VWA2: variants seen among roughly 807,000 people sequenced by gnomAD.
VWA2 encodes von Willebrand factor A domain containing 2, also known as von Willebrand factor A domain-containing protein 2.
VWA2 carries 73 observed loss-of-function variants against 70.4 expected under a neutral mutation model. The observed-to-expected ratio is 1.04, with a 90% CI of 0.86 to 1.26. VWA2 has a LOEUF of 1.26. VWA2 is among the 50% of genes most tolerant of loss of function. The probability of loss-of-function intolerance (pLI) is 0.00; values close to 1 mark genes in which losing one functional copy is unlikely to be tolerated. For synonymous variants in VWA2, 407 were observed against 423.3 expected (o/e 0.96, Z 0.47); for missense variants, 1,011 against 998.5 (o/e 1.01, Z -0.17).
chr10:114,274,713 T>C (rs188134851), intron 6 of VWA2, among the ~76,000 whole-genome samples: 254 of 152,224 alleles, frequency 1.7e-3, no homozygotes, highest in Non-Finnish European at 2.7e-3. Flanking sequence ...CAGGCTAGTC[T>C]TGAACTCCTG....
At position 114,286,517 on chromosome 10, in the gene VWA2, G is replaced by T; in HGVS notation, c.1570+6G>T. 6.4e-7 allele frequency: 1 copy of T among 1,555,312 alleles called. No homozygotes were observed. ...GTGCAGCCGGCAGCGGCCAGGTAAG[G>T]TCCCAGTGCCTGACCCAGGACCGCT... is the stretch of plus-strand genomic sequence containing the variant. On this transcript the variant is annotated splice_donor_region_variant and intron_variant, in intron 11 of 13. Coordinates refer to ENST00000392982, the MANE Select transcript of VWA2 (RefSeq NM_001272046.2).
rs112771171 is a variant in VWA2, at chr10:114,290,276, C to A, written c.2159C>A (p.Pro720Gln). 1.9e-6 allele frequency: 3 copies of A among 1,550,428 alleles called. No individual in the cohort carries two copies. In the African/African-American group the frequency reaches 4.1e-5, roughly 21 times the overall value. The change falls in exon 13 of 14, where the codon CCG becomes CAG. Residue 720 changes from proline to glutamine, a missense_variant. Transcript: ENST00000392982. ...KQPVNLCKPS[P>Q]CMNEGSCVLQ... ...CCAGTCAACCTCTGCAAACCCAGCC[C>A]GTGCATGAATGAGGGCAGCTGCGTC...
At chr10:114,287,334 C>A (rs781371373) in intron 11 of VWA2, among the ~76,000 whole-genome samples, 1 of 152,112 alleles carries the variant, frequency 6.6e-6, no homozygotes, top group Non-Finnish European at 1.5e-5. Context: ...GTGCACACCA[C>A]CATGCCCAGC....
chr10:114,262,310 TTATA>T (rs984580125), intron 5 of VWA2, among the ~76,000 whole-genome samples: 7 of 149,676 alleles, frequency 4.7e-5, no homozygotes, highest in African/African-American at 1.7e-4. Flanking sequence ...ATTTTATATA[TTATA>T]TATACATATA....
At chr10:114,289,992 CA>C (rs35165936) in intron 12 of VWA2, 105,631 of 212,148 alleles carry the variant, frequency 0.5, 22,353 homozygotes, top group East Asian at 0.56. Context: ...GATTCTGCCT[CA>C]AAAAAAAAAA....
intron 7 of VWA2, among the ~76,000 whole-genome samples, 180 bp downstream of exon 7, chr10:114,278,227 C>G (rs1250942791): frequency 1.3e-5 from 2 of 152,158 alleles, no homozygotes; most frequent in African/African-American, 4.8e-5. Flanking sequence ...GTGGGTTTCC[C>G]AGCTGGGAGC....
chr10:114,289,169 C>A lies in VWA2; in HGVS notation c.1802C>A (p.Ala601Asp). 6.2e-7 allele frequency: 1 copy of A among 1,613,676 alleles called. No individual in the cohort carries two copies. Among genetic ancestry groups the A allele is most frequent in the Non-Finnish European group, 8.5e-7 (1 of 1,179,864 alleles). The change falls in exon 12 of 14, where the codon GCC (alanine) becomes GAC (aspartate). Residue 601 changes from alanine to aspartate, a missense_variant. Coordinates refer to ENST00000392982, the MANE Select transcript of VWA2 (RefSeq NM_001272046.2). ...RAAMLRAISQAPYLGGVGSAG... is the reference protein window; with the variant it reads ...RAAMLRAISQDPYLGGVGSAG... The stretch of plus-strand genomic sequence containing the variant: ...GCGATGCTGCGGGCCATTAGCCAGG[C>A]CCCCTACCTAGGTGGGGTGGGCTCA...
At chr10:114,277,138 A>G (rs991875639) in intron 6 of VWA2, among the ~76,000 whole-genome samples, 1 of 123,664 alleles carries the variant, frequency 8.1e-6, no homozygotes, top group East Asian at 2.8e-4. Flanking sequence ...CAAGGACAGG[A>G]TTCTTCTAGA....
At position 114,284,805 on chromosome 10, in the gene VWA2, G is replaced by T. The variant is rs957262342; in HGVS notation, c.890-58G>T. The stretch of plus-strand genomic sequence containing the variant: ...CCAGCTGCACCCACACCTCTGGCCA[G>T]TCCTCTCCACTCCTCTGTGCTGCGG... On this transcript the variant is annotated intron_variant, in intron 9 of 13. Transcript: ENST00000392982. 9.3e-6 allele frequency: 14 copies of T among 1,513,168 alleles called. No homozygotes were observed. In the African/African-American group the frequency reaches 1.7e-4, roughly 18 times the overall value. The allele number at this position is 1,513,168 out of a possible 1,614,324, so 93.7% of individuals were successfully genotyped here. A position where few individuals can be genotyped will look rare whatever the true frequency, so the allele number is the denominator to read the frequency against.
At position 114,284,858 on chromosome 10, in the gene VWA2, G is replaced by A. The variant is rs754578691; in HGVS notation, c.890-5G>A. 3.7e-6 allele frequency: 6 copies of A among 1,605,416 alleles called. No individual in the cohort carries two copies. The South Asian group carries it at 6.7e-5, about 18-fold the overall frequency. ...CTTAGCGGTTAATGGGCATCTCTCT[G>A]ATAGGCCCCTGTGACTCGCAGCCCT... On this transcript the variant is annotated splice_polypyrimidine_tract_variant and splice_region_variant and intron_variant, in intron 9 of 13. Transcript: ENST00000392982.
chr10:114,282,377 C>G (rs2038251471), intron 8 of VWA2, 139 bp from the exon 9 acceptor site: 2 of 693,566 alleles, frequency 2.9e-6, no homozygotes, highest in African/African-American at 1.8e-5. Context: ...AGGGTAGAAT[C>G]AAGAAACAAA....
At chr10:114,288,354 T>A (rs1014324193) in intron 11 of VWA2, among the ~76,000 whole-genome samples, 11 of 152,252 alleles carry the variant, frequency 7.2e-5, no homozygotes, top group Admixed American at 2.0e-4. Context: ...CCCTAGACTG[T>A]CAGCCTGTTG....
At chr10:114,258,268 T>C (rs1001543205) in intron 4 of VWA2, among the ~76,000 whole-genome samples, 1 of 152,230 alleles carries the variant, frequency 6.6e-6, no homozygotes, top group South Asian at 2.1e-4. Flanking sequence ...TGTTTTACTT[T>C]TTTTAACTTT....
chr10:114,271,608 A>AACAC (rs142127208), intron 5 of VWA2, among the ~76,000 whole-genome samples: 8,831 of 144,740 alleles, frequency 0.061, 283 homozygotes, highest in East Asian at 0.077. Context: ...GAGAAGTAAA[A>AACAC]ACACACACAC....
rs1175371332 is a variant in VWA2 at position 114,286,086 on chromosome 10, T to G, written c.1145T>G (p.Val382Gly). Residue 382 changes from valine (V) to glycine (G), a missense_variant, in exon 11 of 14, where the codon GTG becomes GGG. Coordinates refer to ENST00000392982, the MANE Select transcript of VWA2 (RefSeq NM_001272046.2). ...CTGAGCGAGGACTCTCGGGCCCGAG[T>G]GGGTGTGGCCACATACAGCAGGGAG... Reference protein sequence around the residue: ...AVLSEDSRARVGVATYSRELL... With the variant: ...AVLSEDSRARGGVATYSRELL... 6 of 1,613,876 alleles carry G rather than the reference T, an allele frequency of 3.7e-6. No individual in the cohort carries two copies. Among genetic ancestry groups the G allele is most frequent in the Non-Finnish European group, 5.1e-6 (6 of 1,179,998 alleles).
chr10:114,249,501 C>A (rs2037149230), intron 2 of VWA2, among the ~76,000 whole-genome samples: 1 of 152,158 alleles, frequency 6.6e-6, no homozygotes, highest in African/African-American at 2.4e-5. Flanking sequence ...GGTGATCTGA[C>A]CGTCTTGGCC....
chr10:114,263,966 T>A (rs1411083903), intron 5 of VWA2, among the ~76,000 whole-genome samples: 2 of 152,218 alleles, frequency 1.3e-5, no homozygotes, highest in Non-Finnish European at 2.9e-5. Flanking sequence ...TGAGCTACCA[T>A]GTCATAGCCA....
At chr10:114,284,997 T>C (rs1240366639) in intron 10 of VWA2, 27 bp downstream of exon 10, 6 of 1,532,880 alleles carry the variant, frequency 3.9e-6, no homozygotes, top group Non-Finnish European at 5.3e-6. Context: ...CCTGCAAGAC[T>C]GACCACTGGG....
At chr10:114,279,384 C>T (rs1006785377) in intron 8 of VWA2, among the ~76,000 whole-genome samples, 3 of 152,116 alleles carry the variant, frequency 2.0e-5, no homozygotes, top group Admixed American at 6.5e-5. Context: ...GACTACCTGC[C>T]ATTCAGCACC....
Sources: allele counts gnomAD v4.1 joint callset (sites outside exome capture counted in the v4.1 genomes callset), GRCh38; gene constraint gnomAD v4.1.1; transcripts MANE v1.5; gene names NCBI Gene and HGNC (gene_info 2026-07-23, HGNC 2026-07-21).